MOB3C: variants seen among roughly 807,000 people sequenced by gnomAD.
MOB3C encodes the protein MOB kinase activator 3C.
A neutral mutation model predicts 19.8 loss-of-function variants in MOB3C; 17 were observed. The ratio of observed to expected loss-of-function variants is 0.86; its 90% CI spans 0.59 to 1.29. MOB3C has a LOEUF of 1.29. Among genes scored for constraint, MOB3C ranks in the 50% most tolerant of loss-of-function variants. The pLI, the probability that MOB3C is intolerant of heterozygous loss-of-function variation, is 0.00. For missense variants in MOB3C, 291 were observed against 301.9 expected (o/e 0.96, Z 0.27); for synonymous variants, 101 against 119.2 (o/e 0.85, Z 0.99).
rs904953441 is a variant in MOB3C at position 46,613,272 on chromosome 1, G to A, written c.50C>T (p.Pro17Leu). ...TGTGCCCGGCTCAAAGCGCTTCCGC[G>A]GCCGGAACGTCTTGTCCTTGGCGAA... ...QVFAKDKTFR[P>L]RKRFEPGTQR... Residue 17 changes from proline to leucine, a missense_variant, in exon 2 of 4, where the codon CCG becomes CTG. Coordinates refer to ENST00000319928, the MANE Select transcript of MOB3C (RefSeq NM_201403.3). The A allele has an allele frequency of 2.5e-6, 4 of 1,612,296 alleles. No homozygotes were observed. Among genetic ancestry groups the A allele is most frequent in the Admixed American group, 3.3e-5 (2 of 60,010 alleles).
At chr1:46,609,863 T>C (rs1675432056) in intron 3 of MOB3C, 139 bp downstream of exon 3, 1 of 1,238,740 alleles carries the variant, frequency 8.1e-7, no homozygotes, top group East Asian at 2.4e-5. Context: ...TCTATTGAAG[T>C]ACAGAATTCA....
chr1:46,615,373 C>A, intron 1 of MOB3C: 1 of 377,282 alleles, frequency 2.7e-6, no homozygotes, highest in Non-Finnish European at 4.8e-6. Flanking sequence ...TGGCTGCTAC[C>A]TCCTCCCACA....
At chr1:46,613,473 C>T (rs1675510132) in intron 1 of MOB3C, 102 bp from the exon 2 acceptor site, 2 of 1,124,884 alleles carry the variant, frequency 1.8e-6, no homozygotes, top group Non-Finnish European at 1.3e-6. Context: ...AGCCTTTGCT[C>T]AACCTCTGCA....
At position 46,613,264 on chromosome 1, in the gene MOB3C, G is replaced by T. The variant is rs777449352; in HGVS notation, c.58C>A (p.Arg20Ser). Reference protein sequence around the residue: ...AKDKTFRPRKRFEPGTQRFEL... With the variant: ...AKDKTFRPRKSFEPGTQRFEL... The stretch of plus-strand genomic sequence containing the variant: ...AAGCGCTGTGTGCCCGGCTCAAAGC[G>T]CTTCCGCGGCCGGAACGTCTTGTCC... The change falls in exon 2 of 4, where the codon CGC becomes AGC. Residue 20 changes from arginine (R) to serine (S), a missense_variant. By Grantham distance (110) the Arg-to-Ser change is moderately radical. Coordinates refer to ENST00000319928, the MANE Select transcript of MOB3C (RefSeq NM_201403.3). 2.5e-6 allele frequency: 4 copies of T among 1,613,340 alleles called. No homozygotes were observed. In the South Asian group the frequency reaches 4.4e-5, roughly 18 times the overall value.
At chr1:46,616,013 C>T (rs1471597546) in intron 1 of MOB3C, 1 of 152,378 alleles carries the variant, frequency 6.6e-6, no homozygotes, top group Admixed American at 6.5e-5. Context: ...CTCCCCACCC[C>T]CATGCCCTCA....
chr1:46,607,894 C>T lies in MOB3C; in HGVS notation c.*1761G>A, dbSNP rs539167142. On this transcript the variant is annotated 3_prime_UTR_variant, in exon 4 of 4. Coordinates refer to ENST00000319928, the MANE Select transcript of MOB3C (RefSeq NM_201403.3). ...AAAAGCTCCTACTACCCTCGCTCCA[C>T]AGCCTCTGGCAAAGCTGCCAGGCCA... 1 of 152,392 alleles carries T rather than the reference C, an allele frequency of 6.6e-6. No individual in the cohort carries two copies. The highest frequency in any genetic ancestry group is 2.4e-5 in the African/African-American group (1 of 41,598). 9.4% of individuals were successfully genotyped at this position (152,392 alleles called of 1,614,324 possible).
chr1:46,609,250 A>C lies in MOB3C; in HGVS notation c.*405T>G, dbSNP rs952354357. 1.7e-5 allele frequency: 5 copies of C among 300,728 alleles called. No individual in the cohort carries two copies. The highest frequency in any genetic ancestry group is 3.2e-5 in the Non-Finnish European group (5 of 155,516). The allele number at this position is 300,728 out of a possible 1,614,324, so 18.6% of individuals were successfully genotyped here. Reference sequence around the variant, plus strand: ...CAGTGAAAATCACACACACACACACACACCCCGGCATCTGTGCTCACTCAC... The same window carrying C: ...CAGTGAAAATCACACACACACACACCCACCCCGGCATCTGTGCTCACTCAC... On this transcript the variant is annotated 3_prime_UTR_variant, in exon 4 of 4. Coordinates refer to ENST00000319928, the MANE Select transcript of MOB3C (RefSeq NM_201403.3).
Position 46,610,452 on chromosome 1 carries a change from C to T in MOB3C, c.419-248G>A, listed in dbSNP as rs1269805316. On this transcript the variant is annotated intron_variant, in intron 2 of 3. Coordinates refer to ENST00000319928, the MANE Select transcript of MOB3C (RefSeq NM_201403.3). ...CCAGGCAAGTGCAATGGCATGATCT[C>T]GGCTCACTGCAACCTCCACCTCCCA... is the stretch of plus-strand genomic sequence containing the variant. Among the ~76,000 whole-genome samples the T allele has an allele frequency of 5.3e-5, 8 of 152,204 alleles. No homozygotes were observed. The East Asian group carries it at 5.8e-4, about 11-fold the overall frequency.
rs185862798 is a variant in MOB3C, at chr1:46,609,668, C to T, written c.638G>A (p.Arg213Gln). 68 of 1,614,108 alleles carry T rather than the reference C, an allele frequency of 4.2e-5. No homozygotes were observed. The Middle Eastern group carries it at 1.3e-3, about 31-fold the overall frequency. Reference protein sequence around the residue: ...ELEPLREMTERICH With the variant: ...ELEPLREMTEQICH ...CCAGACCTGGGCTCAGTGGCAGATC[C>T]GCTCTGTCATCTCCCTCTGTAGAGA... The change falls in exon 4 of 4, where the codon CGG becomes CAG. Residue 213 changes from arginine to glutamine, a missense_variant. Transcript: ENST00000319928.
intron 3 of MOB3C, 68 bp from the exon 4 acceptor site, chr1:46,609,752 A>G (rs768681492): frequency 6.3e-5 from 100 of 1,592,638 alleles, no homozygotes; most frequent in Middle Eastern, 1.7e-4. Flanking sequence ...TTCCCAAACC[A>G]TAGGGCCTAG....
Position 46,612,935 on chromosome 1 carries a change from G to A in MOB3C, c.387C>T (p.Ile129=). The change falls in exon 2 of 4, where the codon ATC becomes ATT. Residue 129 remains isoleucine (I), a synonymous_variant. Transcript: ENST00000319928. ...ALLMDWIEGL[I]NDEEVFPTRV... is the part of the protein sequence containing the mutation. ...GCGTGGGAAAGACCTCTTCGTCGTT[G>A]ATGAGGCCTTCGATCCAGTCCATGA... 2.6e-6 allele frequency: 4 copies of A among 1,568,214 alleles called. No individual in the cohort carries two copies. The highest frequency in any genetic ancestry group is 3.5e-6 in the Non-Finnish European group (4 of 1,153,884).
rs965939799 is a variant in MOB3C at position 46,611,332 on chromosome 1, A to G, written c.419-1128T>C. Reference sequence around the variant, plus strand: ...AAGTATTAATCAGTGCAGAATGGAGACTGGATTCAGACCCTCTTTGCAGTG... The same window carrying G: ...AAGTATTAATCAGTGCAGAATGGAGGCTGGATTCAGACCCTCTTTGCAGTG... On this transcript the variant is annotated intron_variant, in intron 2 of 3. Transcript: ENST00000319928. This position sits in a 1 kb window ranked among gnomAD's most constrained non-coding sequence, Gnocchi z 4.1. 2.0e-5 allele frequency among the ~76,000 whole-genome samples: 3 copies of G among 152,200 alleles called. No individual in the cohort carries two copies.
rs2148804913 is a variant in MOB3C at position 46,614,518 on chromosome 1, CCCCTGCCCCT to C, written c.-50-1157_-50-1148del. On this transcript the variant is annotated intron_variant, in intron 1 of 3. Transcript: ENST00000319928. ...ATTTAGCCACCCACTAAGCACACTG[CCCCTGCCCCT>C]AGACTGAGCACTAAGGCTGAGTATA... The C allele has an allele frequency of 2.5e-5, 4 of 162,502 alleles. No homozygotes were observed. In the South Asian group the frequency reaches 7.2e-4, roughly 29 times the overall value. 10.1% of individuals were successfully genotyped at this position (162,502 alleles called of 1,614,324 possible).
In MOB3C at chr1:46,609,583, T is replaced by TG. The variant is rs1675426435; in HGVS notation, c.*71dup. The stretch of plus-strand genomic sequence containing the variant: ...GTGCCTTCAGATTCCTTCAGGCTCC[T>TG]GGGGGTCCCCTCTGCCAGCCACCCT... On this transcript the variant is annotated 3_prime_UTR_variant, in exon 4 of 4. Coordinates refer to ENST00000319928, the MANE Select transcript of MOB3C (RefSeq NM_201403.3). 1.9e-6 allele frequency: 3 copies of TG among 1,591,710 alleles called. No individual in the cohort carries two copies. In the African/African-American group the frequency reaches 4.0e-5, roughly 21 times the overall value.
chr1:46,610,112 C>G lies in MOB3C; in HGVS notation c.511G>C (p.Asp171His), dbSNP rs777558044. 5.6e-6 allele frequency: 9 copies of G among 1,614,130 alleles called. No homozygotes were observed. Among genetic ancestry groups the G allele is most frequent in the Non-Finnish European group, 5.9e-6 (7 of 1,180,040 alleles). The stretch of plus-strand genomic sequence containing the variant: ...TCTGCCCCCATGCTGAGGATGCTAT[C>G]GAAGTGGTGGATGTAGACATGGACA... ...VFVHVYIHHFDSILSMGAEAH... is the reference protein window; with the variant it reads ...VFVHVYIHHFHSILSMGAEAH... Residue 171 changes from aspartate (D) to histidine (H), a missense_variant, in exon 3 of 4, where the codon GAT becomes CAT. Physicochemically the swap from Asp to His is moderately conservative, Grantham distance 81. Coordinates refer to ENST00000319928, the MANE Select transcript of MOB3C (RefSeq NM_201403.3).
chr1:46,612,909 C>T lies in MOB3C; in HGVS notation c.413G>A (p.Arg138His), dbSNP rs780307724. ...LINDEEVFPT[R>H]VGVPFPKNFQ... ...CCCCGCCAGGTGACACTCACCAACACGCGTGGGAAAGACCTCTTCGTCGTT... is the reference window on the plus strand; with the variant it reads ...CCCCGCCAGGTGACACTCACCAACATGCGTGGGAAAGACCTCTTCGTCGTT... The change falls in exon 2 of 4, where the codon CGT becomes CAT. Residue 138 changes from arginine (R) to histidine (H), a missense_variant. By Grantham distance (29) the Arg-to-His change is conservative. Coordinates refer to ENST00000319928, the MANE Select transcript of MOB3C (RefSeq NM_201403.3). 6.5e-7 allele frequency: 1 copy of T among 1,548,650 alleles called. No homozygotes were observed. The highest frequency in any genetic ancestry group is 1.2e-5 in the South Asian group (1 of 80,344).
intron 1 of MOB3C, chr1:46,615,332 C>G (rs1675541545): frequency 1.1e-5 from 5 of 459,410 alleles, no homozygotes; most frequent in Non-Finnish European, 1.9e-5. Context: ...TTTTCTTATC[C>G]CTCCACCTGC....
In MOB3C at chr1:46,613,280, C is replaced by T; in HGVS notation, c.42G>A (p.Thr14=). 1.9e-6 allele frequency: 3 copies of T among 1,611,292 alleles called. No individual in the cohort carries two copies. The highest frequency in any genetic ancestry group is 1.3e-5 in the African/African-American group (1 of 75,074). ...CLKQVFAKDK[T]FRPRKRFEPG... ...GCTCAAAGCGCTTCCGCGGCCGGAA[C>T]GTCTTGTCCTTGGCGAACACCTGCT... The change falls in exon 2 of 4, where the codon ACG becomes ACA. Residue 14 remains threonine, a synonymous_variant. Coordinates refer to ENST00000319928, the MANE Select transcript of MOB3C (RefSeq NM_201403.3).
At chr1:46,610,861 C>T (rs1675452715) in intron 2 of MOB3C, among the ~76,000 whole-genome samples, 1 of 152,202 alleles carries the variant, frequency 6.6e-6, no homozygotes, top group Non-Finnish European at 1.5e-5. Flanking sequence ...GAAATATGTG[C>T]AATTGCAGAG....
Sources: allele counts gnomAD v4.1 joint callset (sites outside exome capture counted in the v4.1 genomes callset), GRCh38; gene constraint gnomAD v4.1.1; non-coding constraint Gnocchi (gnomAD v3.1); transcripts MANE v1.5; gene names NCBI Gene and HGNC (gene_info 2026-07-23, HGNC 2026-07-21).